Variants in LPXN observed in about 807,000 individuals in gnomAD.
LPXN encodes leupaxin.
In LPXN, 28 loss-of-function variants were observed where a neutral mutation model predicts 45.6. The observed-to-expected ratio is 0.61, with a 90% CI of 0.45 to 0.84. The LOEUF (loss-of-function observed/expected upper bound fraction) is 0.84, where lower values mean the gene tolerates loss of function less well. LPXN is among the 40% of genes least tolerant of loss of function. The pLI, the probability that LPXN is intolerant of heterozygous loss-of-function variation, is 0.00. For missense variants in LPXN, 459 were observed against 475.0 expected, an observed-to-expected ratio of 0.97 and a Z score of 0.31; for synonymous variants, 166 against 169.9, an observed-to-expected ratio of 0.98 and a Z score of 0.18.
chr11:58,545,782 T>C (rs1418430300), intron 7 of LPXN, among the ~76,000 whole-genome samples: 1 of 152,216 alleles, frequency 6.6e-6, no homozygotes, highest in East Asian at 1.9e-4. Context: ...GCAGAAATGA[T>C]ACCCAAGTTG....
Position 58,531,364 on chromosome 11 carries a change from T to A in LPXN, c.743-3173A>T, listed in dbSNP as rs188053432. On this transcript the variant is annotated intron_variant, in intron 7 of 8. Coordinates refer to ENST00000395074, the MANE Select transcript of LPXN (RefSeq NM_004811.3). ...TAACCAGTTTAGAGAAGAACATACA[T>A]GACCTGATGGAGCTGAAAAATATAG... 1.2e-3 allele frequency among the ~76,000 whole-genome samples: 186 copies of A among 152,070 alleles called. 3 individuals carry two copies. Among genetic ancestry groups the A allele is most frequent in the Non-Finnish European group, 9.7e-4 (66 of 68,002 alleles).
At chr11:58,535,335 G>C (rs2120213213) in intron 7 of LPXN, among the ~76,000 whole-genome samples, 1 of 152,290 alleles carries the variant, frequency 6.6e-6, no homozygotes, top group Non-Finnish European at 1.5e-5. Context: ...GATCAAGTCA[G>C]CTTCATACCT....
At chr11:58,571,924 TTAAC>T (rs1854715571) in intron 1 of LPXN, among the ~76,000 whole-genome samples, 1 of 152,204 alleles carries the variant, frequency 6.6e-6, no homozygotes. Flanking sequence ...AGCCCCTGCA[TTAAC>T]TAAAAGTTAG....
At chr11:58,529,619 A>C (rs1853326817) in intron 7 of LPXN, among the ~76,000 whole-genome samples, 1 of 151,958 alleles carries the variant, frequency 6.6e-6, no homozygotes, top group Non-Finnish European at 1.5e-5. Flanking sequence ...AAAAAAAAAA[A>C]AAAAAGTAAA....
At chr11:58,558,307 G>A (rs1367150998) in intron 3 of LPXN, among the ~76,000 whole-genome samples, 3 of 151,952 alleles carry the variant, frequency 2.0e-5, no homozygotes, top group Admixed American at 2.0e-4. Context: ...GGAAGCTGAG[G>A]CAGGAGGACT....
At chr11:58,546,515 T>C (rs1853880401) in intron 7 of LPXN, among the ~76,000 whole-genome samples, 1 of 152,170 alleles carries the variant, frequency 6.6e-6, no homozygotes, top group Admixed American at 6.5e-5. Context: ...CCCATCCCCT[T>C]TTTCAATCTC....
At chr11:58,572,104 C>T (rs553798114) in intron 1 of LPXN, among the ~76,000 whole-genome samples, 1 of 152,150 alleles carries the variant, frequency 6.6e-6, no homozygotes, top group South Asian at 2.1e-4. Flanking sequence ...GGACTTCTTA[C>T]CACAGATTTT....
intron 3 of LPXN, among the ~76,000 whole-genome samples, chr11:58,563,314 A>G (rs528007941): frequency 6.6e-6 from 1 of 152,308 alleles, no homozygotes; most frequent in South Asian, 2.1e-4. Flanking sequence ...ATATGTATCA[A>G]TAAATTGGCC....
intron 7 of LPXN, among the ~76,000 whole-genome samples, chr11:58,531,849 C>T (rs961876032): frequency 3.9e-5 from 6 of 152,272 alleles, no homozygotes; most frequent in Admixed American, 1.3e-4. Flanking sequence ...ACTCTGGCCA[C>T]GCTTGAGGAG....
intron 3 of LPXN, among the ~76,000 whole-genome samples, chr11:58,555,754 ACACT>A (rs1327475577): frequency 9.5e-6 from 1 of 105,260 alleles, no homozygotes; most frequent in Admixed American, 1.1e-4. Context: ...ACACACACAC[ACACT>A]CACACACATG....
chr11:58,538,305 G>C (rs1001587526), intron 7 of LPXN, among the ~76,000 whole-genome samples: 10 of 152,126 alleles, frequency 6.6e-5, no homozygotes, highest in African/African-American at 2.4e-4. Flanking sequence ...GGGTGGCTGG[G>C]CCAAATGGTA....
chr11:58,571,593 A>G (rs569535865), intron 1 of LPXN, among the ~76,000 whole-genome samples: 10 of 151,476 alleles, frequency 6.6e-5, no homozygotes, highest in Non-Finnish European at 1.2e-4. Context: ...GATAAAACTG[A>G]GATATTGCAA....
chr11:58,577,614 T>C (rs1388567890), upstream of LPXN, among the ~76,000 whole-genome samples: 1 of 152,164 alleles, frequency 6.6e-6, no homozygotes, highest in African/African-American at 2.4e-5. Context: ...GCAACGGAAA[T>C]TCCCTTTGAT....
chr11:58,571,067 T>A (rs1249028833), intron 1 of LPXN, among the ~76,000 whole-genome samples: 1 of 152,078 alleles, frequency 6.6e-6, no homozygotes, highest in African/African-American at 2.4e-5. Flanking sequence ...CTGGGCTGGG[T>A]ATAGTGGCTT....
chr11:58,569,392 G>T (rs1037180207), intron 2 of LPXN, among the ~76,000 whole-genome samples: 97 of 149,390 alleles, frequency 6.5e-4, no homozygotes, highest in East Asian at 2.6e-3. Context: ...TTTTTTTTTT[G>T]TTTGTTTGTT....
upstream of LPXN, among the ~76,000 whole-genome samples, chr11:58,578,593 G>T (rs1854992617): frequency 6.6e-6 from 1 of 152,316 alleles, no homozygotes; most frequent in East Asian, 1.9e-4. Flanking sequence ...ATCTGGCGGC[G>T]CTGGGGACAG....
chr11:58,548,430 T>C (rs2120307774), intron 7 of LPXN, among the ~76,000 whole-genome samples: 1 of 151,752 alleles, frequency 6.6e-6, no homozygotes, highest in East Asian at 1.9e-4. Context: ...GAAAGTCTCC[T>C]GGAGGGATAT....
intron 3 of LPXN, 94 bp from the exon 4 acceptor site, chr11:58,555,034 G>T: frequency 2.6e-6 from 2 of 767,152 alleles, no homozygotes; most frequent in Non-Finnish European, 4.5e-6. Flanking sequence ...CTGTAATAAT[G>T]AATCCCCTGG....
chr11:58,566,861 A>G (rs567972326), intron 2 of LPXN, among the ~76,000 whole-genome samples: 13 of 152,320 alleles, frequency 8.5e-5, no homozygotes, highest in Non-Finnish European at 1.6e-4. Context: ...TCAAAGGCTC[A>G]GGCATTCCCA....
Sources: allele counts gnomAD v4.1 joint callset (sites outside exome capture counted in the v4.1 genomes callset), GRCh38; gene constraint gnomAD v4.1.1; transcripts MANE v1.5; gene names NCBI Gene and HGNC (gene_info 2026-07-23, HGNC 2026-07-21).